The following IL31RA variants were observed in gnomAD, a reference collection of about 807,000 sequenced individuals.
IL31RA encodes the protein interleukin 31 receptor A.
In IL31RA, 66 loss-of-function variants were observed where a neutral mutation model predicts 83.7. The ratio of observed to expected loss-of-function variants is 0.79; its 90% CI spans 0.65 to 0.97. IL31RA has a LOEUF of 0.97. IL31RA is among the 50% of genes least tolerant of loss of function. The pLI is 0.00. For missense variants in IL31RA, 798 were observed against 919.4 expected, an observed-to-expected ratio of 0.87 and a Z score of 1.71; for synonymous variants, 325 against 329.0, an observed-to-expected ratio of 0.99 and a Z score of 0.13.
At chr5:55,847,168 G>A (rs1244248079), upstream of IL31RA, among the ~76,000 whole-genome samples, 8 of 147,348 alleles carry the variant, frequency 5.4e-5, no homozygotes, top group African/African-American at 1.3e-4. Context: ...ACTTGAACCC[G>A]GGAGGTGGAG....
intron 1 of IL31RA, chr5:55,853,472 T>A (rs1428284087): frequency 6.5e-7 from 1 of 1,547,856 alleles, no homozygotes; most frequent in Non-Finnish European, 8.7e-7. Flanking sequence ...AGATTGTTCT[T>A]CCTGTCCTGA....
rs190229563 is a variant in IL31RA, at chr5:55,918,239, C to T, written c.*1119C>T. 5.3e-5 allele frequency among the ~76,000 whole-genome samples: 8 copies of T among 152,200 alleles called. No homozygotes were observed. The highest frequency in any genetic ancestry group is 7.2e-5 in the African/African-American group (3 of 41,542). On this transcript the variant is annotated 3_prime_UTR_variant, in exon 15 of 15. Coordinates refer to ENST00000652347, the MANE Select transcript of IL31RA (RefSeq NM_139017.7). ...AGGAGGCTGGTGAGATCAGGGCAGG[C>T]GAGGCAATGAGTGAGTGGCCCAAGG...
upstream of IL31RA, among the ~76,000 whole-genome samples, chr5:55,851,139 C>G (rs905871921): frequency 2.0e-5 from 3 of 151,974 alleles, no homozygotes; most frequent in Non-Finnish European, 2.9e-5. Context: ...GAATTATTCT[C>G]TGTGGGGGAA....
intron 5 of IL31RA, among the ~76,000 whole-genome samples, chr5:55,886,268 C>CTTT (rs35481013): frequency 1.5e-3 from 104 of 71,498 alleles, no homozygotes; most frequent in East Asian, 2.5e-3. Flanking sequence ...TGCTTGCTTG[C>CTTT]TTTTTTTTTT....
chr5:55,855,276 T>G (rs1236200732), intron 1 of IL31RA, among the ~76,000 whole-genome samples: 2 of 151,704 alleles, frequency 1.3e-5, no homozygotes, highest in African/African-American at 2.4e-5. Context: ...CCTGTGTAGC[T>G]AGGACTACAG....
intron 4 of IL31RA, among the ~76,000 whole-genome samples, chr5:55,879,459 G>A (rs1166745909): frequency 2.1e-5 from 1 of 47,250 alleles, no homozygotes; most frequent in African/African-American, 9.1e-5. Context: ...TTGAGATGGA[G>A]TGTTGCTCTA....
intron 11 of IL31RA, 93 bp downstream of exon 11, chr5:55,908,504 TG>T: frequency 2.5e-6 from 4 of 1,612,152 alleles, no homozygotes; most frequent in Non-Finnish European, 3.4e-6. Context: ...CCCATCTCAT[TG>T]TGACTTGCAA....
chr5:55,888,284 C>A (rs775641320), intron 5 of IL31RA, among the ~76,000 whole-genome samples: 4 of 152,126 alleles, frequency 2.6e-5, no homozygotes, highest in Admixed American at 6.5e-5. Flanking sequence ...TGGATCCTGT[C>A]GGAGCCAGAG....
In IL31RA at chr5:55,896,444, G is replaced by A; in HGVS notation, c.852+15G>A. 2 of 1,583,118 alleles carry A rather than the reference G, an allele frequency of 1.3e-6. No homozygotes were observed. The highest frequency in any genetic ancestry group is 1.7e-6 in the Non-Finnish European group (2 of 1,152,538). On this transcript the variant is annotated intron_variant, in intron 7 of 14. Transcript: ENST00000652347. ...TGTTATGGAAGGTGACCTCCCTCTG[G>A]ATTCTTTTTCTCTCTCTTTCTTCCC...
intron 3 of IL31RA, among the ~76,000 whole-genome samples, chr5:55,869,485 T>A (rs994650538): frequency 2.6e-5 from 4 of 152,158 alleles, no homozygotes; most frequent in African/African-American, 7.2e-5. Flanking sequence ...AAAAAAAACT[T>A]TTTTTTGAGA....
upstream of IL31RA, among the ~76,000 whole-genome samples, chr5:55,848,914 A>G (rs1744993425): frequency 6.6e-6 from 1 of 152,190 alleles, no homozygotes; most frequent in Non-Finnish European, 1.5e-5. Flanking sequence ...CAAGTAAACA[A>G]AAGACCTCTC....
intron 8 of IL31RA, among the ~76,000 whole-genome samples, chr5:55,904,612 A>G (rs1036430279): frequency 6.6e-6 from 1 of 152,182 alleles, no homozygotes; most frequent in Non-Finnish European, 1.5e-5. Context: ...CAGGTTGACA[A>G]CTTACCTGGC....
intron 6 of IL31RA, among the ~76,000 whole-genome samples, chr5:55,895,614 T>C (rs1001205040): frequency 2.0e-5 from 3 of 152,242 alleles, no homozygotes; most frequent in Non-Finnish European, 2.9e-5. Context: ...ATATATGATA[T>C]TTCTGTGCTT....
intron 10 of IL31RA, among the ~76,000 whole-genome samples, chr5:55,908,039 A>G (rs1749261674): frequency 6.6e-6 from 1 of 152,206 alleles, no homozygotes; most frequent in Non-Finnish European, 1.5e-5. Flanking sequence ...CATCTATGAG[A>G]AAGGACTTTT....
intron 6 of IL31RA, among the ~76,000 whole-genome samples, chr5:55,890,791 A>T (rs1464604079): frequency 6.6e-6 from 1 of 152,252 alleles, no homozygotes; most frequent in Non-Finnish European, 1.5e-5. Flanking sequence ...CACATTTTTA[A>T]TGACAGTGAG....
chr5:55,867,156 T>TGC (rs1358611010), intron 2 of IL31RA, among the ~76,000 whole-genome samples: 6 of 128,038 alleles, frequency 4.7e-5, no homozygotes, highest in Admixed American at 4.7e-4. Context: ...TGCATGTGTG[T>TGC]TTGTGTGTGT....
chr5:55,885,531 C>T lies in IL31RA; in HGVS notation c.606+2336C>T, dbSNP rs192576110. On this transcript the variant is annotated intron_variant, in intron 5 of 14. Coordinates refer to ENST00000652347, the MANE Select transcript of IL31RA (RefSeq NM_139017.7). ...CCCCCTGCACAAAGCGTGAACTTCC[C>T]GTGGCTCCACCCCATTCTCCCAGTG... 5.9e-5 allele frequency among the ~76,000 whole-genome samples: 9 copies of T among 152,356 alleles called. No homozygotes were observed. In the East Asian group the frequency reaches 1.5e-3, roughly 26 times the overall value.
rs1396166772 is a variant in IL31RA at position 55,851,594 on chromosome 5, T to G, written c.24T>G (p.Phe8Leu). 3 of 1,613,824 alleles carry G rather than the reference T, an allele frequency of 1.9e-6. No homozygotes were observed. The African/African-American group carries it at 4.0e-5, about 22-fold the overall frequency. Reference protein sequence around the residue: MCIRQLKFFTTACVCECP... With the variant: MCIRQLKLFTTACVCECP... ...GAATGTGCATCAGGCAACTCAAGTT[T>G]TTCACCACGGCATGTGTCTGTGAAT... Residue 8 changes from phenylalanine (F) to leucine (L), a missense_variant, in exon 1 of 15, where the codon TTT (phenylalanine) becomes TTG (leucine). Physicochemically the swap from Phe to Leu is conservative, Grantham distance 22. Transcript: ENST00000652347.
rs756649893 is a variant in IL31RA at position 55,907,437 on chromosome 5, T to G, written c.1331T>G (p.Ile444Ser). Residue 444 changes from isoleucine (I) to serine (S), a missense_variant, in exon 10 of 15, where the codon ATC becomes AGC. Physicochemically the swap from Ile to Ser is moderately radical, Grantham distance 142. Transcript: ENST00000652347. ...GACAAAGTTGGCGAGCCATATTCCATCCAGGCTTATGCCAAAGAAGGCGGT... is the reference window on the plus strand; with the variant it reads ...GACAAAGTTGGCGAGCCATATTCCAGCCAGGCTTATGCCAAAGAAGGCGGT... ...LHDKVGEPYS[I>S]QAYAKEGVPS... The G allele has an allele frequency of 6.8e-6, 11 of 1,612,214 alleles. No individual in the cohort carries two copies. The highest frequency in any genetic ancestry group is 9.3e-6 in the Non-Finnish European group (11 of 1,178,200).
Sources: allele counts gnomAD v4.1 joint callset (sites outside exome capture counted in the v4.1 genomes callset), GRCh38; gene constraint gnomAD v4.1.1; transcripts MANE v1.5; gene names NCBI Gene and HGNC (gene_info 2026-07-23, HGNC 2026-07-21).